ATP6V1A: variants seen among roughly 807,000 people sequenced by gnomAD.
The protein encoded by ATP6V1A is V-type proton ATPase catalytic subunit A.
In ATP6V1A, 18 loss-of-function variants were observed where a neutral mutation model predicts 70.1. The ratio of observed to expected loss-of-function variants is 0.26; its 90% CI spans 0.18 to 0.38. The LOEUF (loss-of-function observed/expected upper bound fraction) is 0.38, where lower values mean the gene tolerates loss of function less well. ATP6V1A is among the 10% of genes least tolerant of loss of function. ATP6V1A has a pLI of 1.00. For missense variants in ATP6V1A, 424 were observed against 772.4 expected (o/e 0.55, Z 5.35); for synonymous variants, 232 against 253.8 (o/e 0.91, Z 0.82).
chr3:113,807,711 T>G (rs894431332), intron 14 of ATP6V1A, among the ~76,000 whole-genome samples: 3 of 152,216 alleles, frequency 2.0e-5, no homozygotes, highest in African/African-American at 4.8e-5. Context: ...CCTGTAGTAA[T>G]GATGATTTCT....
intron 5 of ATP6V1A, among the ~76,000 whole-genome samples, chr3:113,785,731 C>T (rs1474759278): frequency 6.6e-6 from 1 of 150,452 alleles, no homozygotes; most frequent in Non-Finnish European, 1.5e-5. Flanking sequence ...TGCAGTGGCG[C>T]GATCTCGGCT....
At position 113,750,230 on chromosome 3, in the gene ATP6V1A, A is replaced by G. The variant is rs1437642259; in HGVS notation, c.-14+3117A>G. On this transcript the variant is annotated intron_variant, in intron 1 of 14. Coordinates refer to ENST00000273398, the MANE Select transcript of ATP6V1A (RefSeq NM_001690.4). Reference sequence around the variant, plus strand: ...AAAACTAAGTGGTGTCTGTAATCCCAGTGCTTTGGGAGGCCAAGGCGGGCA... The same window carrying G: ...AAAACTAAGTGGTGTCTGTAATCCCGGTGCTTTGGGAGGCCAAGGCGGGCA... Among the ~76,000 whole-genome samples, 5 of 152,222 alleles carry G rather than the reference A, an allele frequency of 3.3e-5. 1 individual carries two copies. Among genetic ancestry groups the G allele is most frequent in the Non-Finnish European group, 4.4e-5 (3 of 68,034 alleles).
intron 5 of ATP6V1A, among the ~76,000 whole-genome samples, chr3:113,785,551 C>G (rs1478368927): frequency 7.2e-6 from 1 of 139,470 alleles, no homozygotes; most frequent in African/African-American, 2.7e-5. Flanking sequence ...CTGTGTTGCC[C>G]AGACTGGAGT....
chr3:113,786,186 A>G (rs759058224), intron 5 of ATP6V1A, 46 bp from the exon 6 acceptor site: 4 of 1,520,540 alleles, frequency 2.6e-6, no homozygotes, highest in African/African-American at 1.4e-5. Context: ...GAAGGAAGAA[A>G]TGTTCACAAA....
chr3:113,803,590 T>C lies in ATP6V1A; in HGVS notation c.1502T>C (p.Leu501Ser). Residue 501 changes from leucine (L) to serine (S), a missense_variant, in exon 13 of 15, where the codon TTG becomes TCG. By Grantham distance (145) the Leu-to-Ser change is moderately radical (BLOSUM62 -2). Transcript: ENST00000273398. ...TATCTTTTTCTCTTCTAGGCTTCTT[T>C]GGCAGAAACAGATAAAATCACTCTG... ...EIVQLVGKAS[L>S]AETDKITLEV... 6.2e-7 allele frequency: 1 copy of C among 1,603,538 alleles called. No individual in the cohort carries two copies. The highest frequency in any genetic ancestry group is 1.1e-5 in the South Asian group (1 of 88,752).
chr3:113,783,432 A>G (rs1709002879), intron 3 of ATP6V1A, among the ~76,000 whole-genome samples: 1 of 152,204 alleles, frequency 6.6e-6, no homozygotes, highest in Admixed American at 6.5e-5. Context: ...TCTTATTTGT[A>G]TGTTTTCAAA....
At chr3:113,767,157 T>C (rs907781022) in intron 1 of ATP6V1A, among the ~76,000 whole-genome samples, 1 of 149,612 alleles carries the variant, frequency 6.7e-6, no homozygotes, top group Non-Finnish European at 1.5e-5. Context: ...AGTGGCGTGA[T>C]CTTGGCGCAT....
At chr3:113,805,222 T>G (rs1559761664) in intron 13 of ATP6V1A, 132 bp from the exon 14 acceptor site, 4 of 895,694 alleles carry the variant, frequency 4.5e-6, no homozygotes, top group Non-Finnish European at 6.7e-6. Context: ...TTTTTATTCC[T>G]TAGGTATCAT....
At chr3:113,749,263 TCACACACACACACACACACA>T (rs58516178) in intron 1 of ATP6V1A, among the ~76,000 whole-genome samples, 25 of 141,160 alleles carry the variant, frequency 1.8e-4, no homozygotes, top group African/African-American at 6.1e-4. Context: ...TATACACAGA[TCACACACACACACACACACA>T]CACACACACA....
At chr3:113,779,085 T>C in intron 2 of ATP6V1A, 1 of 287,942 alleles carries the variant, frequency 3.5e-6, no homozygotes. Context: ...TATGTAAATG[T>C]TCAACCAGTG....
At chr3:113,796,995 G>A (rs549007637) in intron 11 of ATP6V1A, among the ~76,000 whole-genome samples, 1 of 152,188 alleles carries the variant, frequency 6.6e-6, no homozygotes, top group Non-Finnish European at 1.5e-5. Context: ...GAGTGCAATG[G>A]CACAAACTTA....
At chr3:113,803,496 A>T in intron 12 of ATP6V1A, 87 bp from the exon 13 acceptor site, 1 of 974,738 alleles carries the variant, frequency 1.0e-6, no homozygotes. Context: ...GGTGGAAACT[A>T]TATAATAGTT....
chr3:113,782,524 T>TTCTCTCTCTC (rs35128741), intron 3 of ATP6V1A, among the ~76,000 whole-genome samples: 2 of 140,250 alleles, frequency 1.4e-5, no homozygotes, highest in African/African-American at 5.2e-5. Context: ...TTTCTTTCCT[T>TTCTCTCTCTC]TCTCTCTCTC....
chr3:113,805,246 A>G, intron 13 of ATP6V1A, 108 bp from the exon 14 acceptor site: 1 of 1,090,532 alleles, frequency 9.2e-7, no homozygotes. Flanking sequence ...ATAAATAAGC[A>G]ATCTGCATAC....
chr3:113,794,742 A>C, intron 8 of ATP6V1A, 130 bp from the exon 9 acceptor site: 1 of 1,028,450 alleles, frequency 9.7e-7, no homozygotes, highest in Non-Finnish European at 1.4e-6. Context: ...AAAGAGGAAG[A>C]GCAGCTTTGA....
intron 3 of ATP6V1A, among the ~76,000 whole-genome samples, chr3:113,782,574 G>GATACA (rs1708990487): frequency 7.4e-6 from 1 of 135,098 alleles, no homozygotes; most frequent in South Asian, 2.3e-4. Flanking sequence ...ATATATATAC[G>GATACA]TATATATATA....
Position 113,778,874 on chromosome 3 carries a change from A to G in ATP6V1A, c.82+39A>G, listed in dbSNP as rs560031472. 6 of 1,297,520 alleles carry G rather than the reference A, an allele frequency of 4.6e-6. No individual in the cohort carries two copies. In the South Asian group the frequency reaches 7.1e-5, roughly 15 times the overall value. 80.4% of individuals were successfully genotyped at this position (1,297,520 alleles called of 1,614,324 possible). ...CATAATCTCAAAATAAGGATATCTA[A>G]CTTTGATTAATGTCTTTTCAAAATA... On this transcript the variant is annotated intron_variant, in intron 2 of 14. Coordinates refer to ENST00000273398, the MANE Select transcript of ATP6V1A (RefSeq NM_001690.4).
intron 1 of ATP6V1A, among the ~76,000 whole-genome samples, chr3:113,749,750 A>G (rs1708566233): frequency 6.6e-6 from 1 of 152,216 alleles, no homozygotes; most frequent in Non-Finnish European, 1.5e-5. Flanking sequence ...TAAATTATTT[A>G]TTGAATGAAT....
rs13081006 is a variant in ATP6V1A, at chr3:113,761,943, A to G, written c.-14+14830A>G. ...CAAAGCGGGCGGATCACCTGAGGTC[A>G]GGAGTTCGAGACCAGCCTGACCAAC... On this transcript the variant is annotated intron_variant, in intron 1 of 14. Coordinates refer to ENST00000273398, the MANE Select transcript of ATP6V1A (RefSeq NM_001690.4). Among the ~76,000 whole-genome samples the G allele has an allele frequency of 5.0e-5, 6 of 119,024 alleles. 1 individual carries two copies. The highest frequency in any genetic ancestry group is 9.1e-5 in the Non-Finnish European group (5 of 54,878). 78.1% of individuals were successfully genotyped at this position (119,024 alleles called of 152,430 possible).
Sources: gnomAD v4.1 joint callset for allele counts (sites outside exome capture counted in the v4.1 genomes callset) on GRCh38, gnomAD v4.1.1 for gene constraint, MANE v1.5 for transcripts, NCBI Gene and HGNC (gene_info 2026-07-23, HGNC 2026-07-21) for gene names.